ARID1B: variants seen among roughly 807,000 people sequenced by gnomAD.
The protein encoded by ARID1B is AT-rich interactive domain-containing protein 1B.
Under a neutral mutation model 212.3 loss-of-function variants are expected in ARID1B, and 30 were observed. The ratio of observed to expected loss-of-function variants is 0.14; its 90% CI spans 0.11 to 0.19. The LOEUF is 0.19. Among genes scored for constraint, ARID1B ranks in the 10% least tolerant of loss-of-function variants. The pLI, the probability that ARID1B is intolerant of heterozygous loss-of-function variation, is 1.00. For missense variants in ARID1B, 2,891 were observed against 3,204.0 expected, an observed-to-expected ratio of 0.90 and a Z score of 2.36; for synonymous variants, 1,402 against 1,301.7, an observed-to-expected ratio of 1.08 and a Z score of -1.66.
chr6:156,950,755 C>T (rs1027358985), intron 4 of ARID1B, among the ~76,000 whole-genome samples: 5 of 152,078 alleles, frequency 3.3e-5, no homozygotes, highest in Non-Finnish European at 5.9e-5. Context: ...ATGACTTTAC[C>T]GTTGCAAATA....
At position 156,955,648 on chromosome 6, in the gene ARID1B, C is replaced by T. The variant is rs185608130; in HGVS notation, c.2247+20072C>T. 2.5e-3 allele frequency among the ~76,000 whole-genome samples: 375 copies of T among 152,256 alleles called. 2 individuals carry two copies. Among genetic ancestry groups the T allele is most frequent in the African/African-American group, 8.7e-3 (360 of 41,528 alleles). On this transcript the variant is annotated intron_variant, in intron 4 of 19. Coordinates refer to ENST00000636930, the MANE Select transcript of ARID1B (RefSeq NM_001374828.1). This position sits in a 1 kb window ranked among gnomAD's most constrained non-coding sequence, Gnocchi z 4.2. ...AGTTCACCTTGCCACCTGAGTGATA[C>T]GCCTCAGCTCCTTCCCTGTGTCCAG...
chr6:157,036,906 G>A (rs1284391262), intron 4 of ARID1B: 1 of 494,140 alleles, frequency 2.0e-6, no homozygotes. Context: ...TCATTGTGGA[G>A]GTTTTTGTCA....
chr6:156,786,650 A>G (rs1779651692), intron 1 of ARID1B, among the ~76,000 whole-genome samples: 1 of 152,218 alleles, frequency 6.6e-6, no homozygotes, highest in Non-Finnish European at 1.5e-5. Context: ...TTTAAGGTGT[A>G]AACATTTAGC....
At chr6:157,159,041 C>A (rs1790749862) in intron 8 of ARID1B, among the ~76,000 whole-genome samples, 1 of 152,150 alleles carries the variant, frequency 6.6e-6, no homozygotes, top group African/African-American at 2.4e-5. Flanking sequence ...TCTGGAGAGT[C>A]ATCCATTGCA....
At chr6:157,181,956 T>C (rs1054661267) in intron 12 of ARID1B, among the ~76,000 whole-genome samples, 7 of 152,112 alleles carry the variant, frequency 4.6e-5, no homozygotes, top group African/African-American at 1.4e-4. Context: ...TGTAACAAAA[T>C]CAAGTACAGG....
chr6:157,158,483 A>C (rs1043249296), intron 8 of ARID1B, among the ~76,000 whole-genome samples: 1 of 152,234 alleles, frequency 6.6e-6, no homozygotes, highest in Admixed American at 6.5e-5. Context: ...AAGCCCATTA[A>C]GGCATGAGAG....
At chr6:157,178,159 C>T (rs556868839) in intron 11 of ARID1B, among the ~76,000 whole-genome samples, 127 of 152,280 alleles carry the variant, frequency 8.3e-4, no homozygotes, top group African/African-American at 2.9e-3. Flanking sequence ...CACGTTCACT[C>T]CACACCTTGC....
chr6:156,892,551 A>G (rs548027520), intron 2 of ARID1B, among the ~76,000 whole-genome samples: 2 of 152,336 alleles, frequency 1.3e-5, no homozygotes, highest in African/African-American at 4.8e-5. Flanking sequence ...TAAAGCTATT[A>G]TTTATATCCA....
intron 6 of ARID1B, among the ~76,000 whole-genome samples, chr6:157,123,436 C>T (rs1316709051): frequency 6.6e-6 from 1 of 152,198 alleles, no homozygotes; most frequent in African/African-American, 2.4e-5. Context: ...TGGAAGGGCA[C>T]AGGACTTTCT....
intron 19 of ARID1B, 135 bp downstream of exon 19, chr6:157,204,131 A>G: frequency 8.7e-7 from 1 of 1,150,368 alleles, no homozygotes; most frequent in East Asian, 2.4e-5. Flanking sequence ...GTTGTTATCA[A>G]CCAGCCTTAA....
At chr6:157,184,650 A>T (rs1792840085) in intron 13 of ARID1B, 3 of 614,440 alleles carry the variant, frequency 4.9e-6, no homozygotes, top group Non-Finnish European at 8.7e-6. Context: ...TCTGGTTGAC[A>T]CTTGGAAGGC....
At chr6:156,976,908 C>T (rs1281632906) in intron 4 of ARID1B, 1 of 562,420 alleles carries the variant, frequency 1.8e-6, no homozygotes, top group Non-Finnish European at 3.5e-6. Flanking sequence ...AGTGATCAGC[C>T]TCAGATTTGA....
At chr6:157,132,136 G>A (rs1378283448) in intron 6 of ARID1B, among the ~76,000 whole-genome samples, 1 of 152,222 alleles carries the variant, frequency 6.6e-6, no homozygotes, top group Non-Finnish European at 1.5e-5. Flanking sequence ...CAGCTGTGGT[G>A]TGGGCAGGAG....
chr6:157,198,632 A>G, intron 16 of ARID1B, 179 bp from the exon 17 acceptor site: 2 of 549,886 alleles, frequency 3.6e-6, no homozygotes, highest in South Asian at 5.3e-5. Context: ...GGGTGTTCCC[A>G]TCCCTGGTGC....
At chr6:157,153,706 G>A (rs1035945835) in intron 8 of ARID1B, among the ~76,000 whole-genome samples, 2 of 152,176 alleles carry the variant, frequency 1.3e-5, no homozygotes, top group African/African-American at 4.8e-5. Flanking sequence ...CTTTAATATA[G>A]CTCACTACAA....
At chr6:156,833,758 T>A (rs1390610747) in intron 2 of ARID1B, among the ~76,000 whole-genome samples, 1 of 152,216 alleles carries the variant, frequency 6.6e-6, no homozygotes, top group Non-Finnish European at 1.5e-5. Context: ...CATATTGAAG[T>A]AAAAACAATT....
At chr6:156,931,006 C>T (rs1017649483) in intron 3 of ARID1B, among the ~76,000 whole-genome samples, 1 of 151,968 alleles carries the variant, frequency 6.6e-6, no homozygotes, top group South Asian at 2.1e-4. Flanking sequence ...CTGGCCAACA[C>T]AGTGAAACCC....
intron 2 of ARID1B, among the ~76,000 whole-genome samples, chr6:156,839,544 G>T (rs1783747661): frequency 6.6e-6 from 1 of 152,216 alleles, no homozygotes. Flanking sequence ...CCCTTCAGCT[G>T]CCAGGAAGAG....
chr6:156,827,154 G>A (rs1215208407), intron 1 of ARID1B, among the ~76,000 whole-genome samples: 2 of 152,100 alleles, frequency 1.3e-5, no homozygotes, highest in Non-Finnish European at 2.9e-5. Flanking sequence ...TATTTTTCCA[G>A]GTCAGGCCTT....
Sources: gnomAD v4.1 joint callset for allele counts (sites outside exome capture counted in the v4.1 genomes callset) on GRCh38, gnomAD v4.1.1 for gene constraint, Gnocchi (gnomAD v3.1) non-coding constraint, MANE v1.5 for transcripts, NCBI Gene and HGNC (gene_info 2026-07-23, HGNC 2026-07-21) for gene names.